The following MYH11 variants were observed in gnomAD, a reference collection of about 807,000 sequenced individuals.
The protein encoded by MYH11 is myosin-11.
A neutral mutation model predicts 246.6 loss-of-function variants in MYH11; 80 were observed. That is an observed-to-expected ratio of 0.32 (90% CI 0.27 to 0.39). MYH11 has a LOEUF of 0.39. Among genes scored for constraint, MYH11 ranks in the 10% least tolerant of loss-of-function variants. The pLI is 1.00. For missense variants in MYH11, 2,158 were observed against 2,546.8 expected (o/e 0.85, Z 3.29); for synonymous variants, 1,071 against 1,015.5 (o/e 1.05, Z -1.04).
At chr16:15,810,598 A>G (rs2043116780) in intron 3 of MYH11, among the ~76,000 whole-genome samples, 1 of 152,134 alleles carries the variant, frequency 6.6e-6, no homozygotes, top group Non-Finnish European at 1.5e-5. Flanking sequence ...CAAGAGACAG[A>G]GAAGCATTTG....
intron 3 of MYH11, among the ~76,000 whole-genome samples, chr16:15,817,140 A>T (rs1203688878): frequency 6.6e-6 from 1 of 152,168 alleles, no homozygotes. Flanking sequence ...TAAGGGTCTA[A>T]TGCACAAGGG....
intron 4 of MYH11, among the ~76,000 whole-genome samples, chr16:15,793,344 G>A (rs1413329178): frequency 6.6e-6 from 1 of 151,468 alleles, no homozygotes; most frequent in East Asian, 2.0e-4. Flanking sequence ...CCCAGGCTGA[G>A]GTGCAGTGGT....
At chr16:15,786,154 A>G (rs1596835588) in intron 5 of MYH11, 2 of 324,824 alleles carry the variant, frequency 6.2e-6, no homozygotes, top group East Asian at 1.6e-4. Flanking sequence ...TTCTCAATCA[A>G]GGGCAACTGT....
chr16:15,741,424 A>G, intron 22 of MYH11, 39 bp downstream of exon 22: 1 of 1,599,522 alleles, frequency 6.3e-7, no homozygotes, highest in Non-Finnish European at 8.5e-7. Flanking sequence ...GGGTCAAGTG[A>G]TTTGCTACCC....
At chr16:15,778,129 T>C (rs937480166) in intron 7 of MYH11, among the ~76,000 whole-genome samples, 3 of 152,316 alleles carry the variant, frequency 2.0e-5, no homozygotes, top group African/African-American at 7.2e-5. Flanking sequence ...ACTCTAGACC[T>C]GGTTGTTCCC....
intron 2 of MYH11, among the ~76,000 whole-genome samples, chr16:15,836,869 T>C (rs1403527348): frequency 6.6e-6 from 1 of 151,752 alleles, no homozygotes; most frequent in Non-Finnish European, 1.5e-5. Context: ...GGATTACAGA[T>C]GTGCACTACC....
chr16:15,771,510 T>C, intron 9 of MYH11, 59 bp downstream of exon 9: 1 of 1,596,238 alleles, frequency 6.3e-7, no homozygotes, highest in Non-Finnish European at 8.6e-7. Context: ...GAAGAGTTCT[T>C]AACAGGTTCC....
At chr16:15,810,046 T>TG (rs2043103313) in intron 3 of MYH11, among the ~76,000 whole-genome samples, 1 of 151,096 alleles carries the variant, frequency 6.6e-6, no homozygotes, top group South Asian at 2.1e-4. Context: ...TTTTTGTTTT[T>TG]TTTTGAGACG....
chr16:15,823,951 T>C (rs570439548), intron 2 of MYH11, among the ~76,000 whole-genome samples: 3 of 152,224 alleles, frequency 2.0e-5, no homozygotes, highest in African/African-American at 4.8e-5. Flanking sequence ...TGAAGAGCTC[T>C]GGGTTCAAAT....
chr16:15,786,167 C>G, intron 5 of MYH11: 2 of 335,420 alleles, frequency 6.0e-6, no homozygotes, highest in South Asian at 2.5e-5. Context: ...GCAACTGTCC[C>G]ACCCCAGGGA....
rs79201290 is a variant in MYH11 at position 15,723,192 on chromosome 16, C to A, written c.4365+969G>T. Among the ~76,000 whole-genome samples the A allele has an allele frequency of 5.1e-4, 78 of 152,244 alleles. 1 individual carries two copies. The East Asian group carries it at 0.012, about 24-fold the overall frequency. Reference sequence around the variant, plus strand: ...TACAATTAAGATTTGTGAATCTCATCACATGTAAGTTTTACCCCAAAAGAA... The same window carrying A: ...TACAATTAAGATTTGTGAATCTCATAACATGTAAGTTTTACCCCAAAAGAA... On this transcript the variant is annotated intron_variant, in intron 31 of 40. Transcript: ENST00000300036.
chr16:15,756,289 C>T, intron 14 of MYH11, 52 bp downstream of exon 14: 1 of 1,596,548 alleles, frequency 6.3e-7, no homozygotes, highest in Non-Finnish European at 8.6e-7. Context: ...CTGCGCTGAG[C>T]AGCCACTGGG....
chr16:15,765,452 A>G (rs529263490), intron 9 of MYH11, among the ~76,000 whole-genome samples: 6 of 151,722 alleles, frequency 4.0e-5, no homozygotes, highest in African/African-American at 1.5e-4. Flanking sequence ...TGGATGGATG[A>G]ATGGATGGAT....
At chr16:15,852,098 T>G (rs2044344511) in intron 1 of MYH11, among the ~76,000 whole-genome samples, 1 of 152,106 alleles carries the variant, frequency 6.6e-6, no homozygotes. Flanking sequence ...ATAAGCAGCA[T>G]TAGATTTTCA....
intron 28 of MYH11, chr16:15,725,703 C>T: frequency 5.0e-6 from 2 of 398,944 alleles, no homozygotes; most frequent in East Asian, 3.6e-5. Flanking sequence ...TTCCCTCGCC[C>T]CTTGGTCCCT....
At position 15,735,545 on chromosome 16, in the gene MYH11, G is replaced by C. The variant is rs2041092533; in HGVS notation, c.3327C>G (p.Ala1109=). The part of the protein sequence containing the change: ...LDDEIAQKNN[A]LKKIRELEGH... ...CCTCCAGCTCCCGGATCTTCTTCAG[G>C]GCATTGTTCTTCTGAGCGATTTCAT... The change falls in exon 26 of 41, where the codon GCC becomes GCG. Residue 1109 remains alanine (A), a synonymous_variant. Coordinates refer to ENST00000300036, the MANE Select transcript of MYH11 (RefSeq NM_002474.3). 6.2e-7 allele frequency: 1 copy of C among 1,614,038 alleles called. No homozygotes were observed. The highest frequency in any genetic ancestry group is 1.7e-5 in the Admixed American group (1 of 59,990).
At chr16:15,781,474 C>A (rs2042351628) in intron 6 of MYH11, among the ~76,000 whole-genome samples, 1 of 152,186 alleles carries the variant, frequency 6.6e-6, no homozygotes, top group Admixed American at 6.5e-5. Flanking sequence ...TCTCAGCGAG[C>A]AACAGTTCAG....
chr16:15,704,356 G>GGGGT (rs1375360944), intron 40 of MYH11, among the ~76,000 whole-genome samples: 1 of 152,118 alleles, frequency 6.6e-6, no homozygotes, highest in Non-Finnish European at 1.5e-5. Context: ...ATTGGTTGCG[G>GGGGT]GGGTGGGTGG....
intron 4 of MYH11, chr16:15,792,717 T>C (rs1472914328): frequency 6.6e-6 from 1 of 152,176 alleles, no homozygotes; most frequent in African/African-American, 2.4e-5. Context: ...ATCCATTTCA[T>C]TTATTTATTT....
Sources: gnomAD v4.1 joint callset for allele counts (sites outside exome capture counted in the v4.1 genomes callset) on GRCh38, gnomAD v4.1.1 for gene constraint, MANE v1.5 for transcripts, NCBI Gene and HGNC (gene_info 2026-07-23, HGNC 2026-07-21) for gene names.